AHI1: variants seen among roughly 807,000 people sequenced by gnomAD.
The protein encoded by AHI1 is Abelson helper integration site 1, also known as jouberin.
In AHI1, 123 loss-of-function variants were observed where a neutral mutation model predicts 149.3. The observed-to-expected ratio is 0.82, with a 90% CI of 0.71 to 0.96. The LOEUF (loss-of-function observed/expected upper bound fraction) is 0.96. Ranked by LOEUF, AHI1 falls within the 40% of genes least tolerant of loss-of-function variation. The pLI is 0.00. For synonymous variants in AHI1, 475 were observed against 459.8 expected (o/e 1.03, Z -0.42); for missense variants, 1,439 against 1,422.7 (o/e 1.01, Z -0.18).
At chr6:135,359,345 A>G (rs1188004391) in intron 23 of AHI1, among the ~76,000 whole-genome samples, 3 of 152,208 alleles carry the variant, frequency 2.0e-5, no homozygotes, top group East Asian at 1.9e-4. Flanking sequence ...GTTTCTGACT[A>G]TAAGAGTCTA....
Position 135,466,253 on chromosome 6 carries a change from T to TG in AHI1, c.309dup (p.Thr104HisfsTer6). The TG allele has an allele frequency of 6.2e-7, 1 of 1,614,008 alleles. No homozygotes were observed. On this transcript the variant is annotated frameshift_variant, in exon 7 of 29. Coordinates refer to ENST00000265602, the MANE Select transcript of AHI1 (RefSeq NM_001134831.2). LOFTEE classifies it high-confidence loss of function. The stretch of plus-strand genomic sequence containing the variant: ...TTAGGATTTTCAGTTGCTAACTGTG[T>TG]GTTCCTCAATTTGTTTTTAGTGACT...
At chr6:135,465,716 G>GT (rs532336700) in intron 7 of AHI1, 98 bp downstream of exon 7, 4 of 1,009,868 alleles carry the variant, frequency 4.0e-6, no homozygotes, top group African/African-American at 1.7e-5. Flanking sequence ...AAATAAAAGC[G>GT]TAAGAATTTT....
At chr6:135,468,718 C>T (rs1474823184) in intron 5 of AHI1, among the ~76,000 whole-genome samples, 17 of 152,106 alleles carry the variant, frequency 1.1e-4, no homozygotes, top group Admixed American at 1.1e-3. Context: ...ATACTATAAA[C>T]AACTCTATGC....
At chr6:135,455,573 C>T (rs576985435) in intron 10 of AHI1, among the ~76,000 whole-genome samples, 161 bp downstream of exon 10, 8 of 152,194 alleles carry the variant, frequency 5.3e-5, no homozygotes, top group East Asian at 3.9e-4. Context: ...TATAAAAGGG[C>T]GTCTCACTTG....
chr6:135,314,286 G>T (rs1022812188), intron 26 of AHI1, among the ~76,000 whole-genome samples: 1 of 152,174 alleles, frequency 6.6e-6, no homozygotes, highest in Admixed American at 6.5e-5. Flanking sequence ...AAAAAAGCTT[G>T]CTTCCTCTCT....
chr6:135,384,752 T>G (rs1777328745), intron 23 of AHI1, among the ~76,000 whole-genome samples: 1 of 152,166 alleles, frequency 6.6e-6, no homozygotes, highest in South Asian at 2.1e-4. Context: ...TTTTATAAAC[T>G]TGCACTGGCC....
intron 19 of AHI1, among the ~76,000 whole-genome samples, chr6:135,427,690 A>C (rs1562743354): frequency 2.0e-5 from 3 of 151,526 alleles, no homozygotes; most frequent in Non-Finnish European, 3.0e-5. Flanking sequence ...AAAACTAAAG[A>C]AACTCTAGTT....
rs545183159 is a variant in AHI1 at position 135,335,245 on chromosome 6, ACAATCTTATGCT to A, written c.3166-11933_3166-11922del. On this transcript the variant is annotated intron_variant, in intron 24 of 28. Coordinates refer to ENST00000265602, the MANE Select transcript of AHI1 (RefSeq NM_001134831.2). ...ACATCTACTTTGTCATTTTTTTTCAACAATCTTATGCTCAAACTGCAACTAGGAGTATAGTAT... is the reference window on the plus strand; with the variant it reads ...ACATCTACTTTGTCATTTTTTTTCAACAAACTGCAACTAGGAGTATAGTAT... 3.6e-4 allele frequency among the ~76,000 whole-genome samples: 55 copies of A among 152,164 alleles called. No homozygotes were observed. The South Asian group carries it at 8.5e-3, about 24-fold the overall frequency.
At chr6:135,484,349 C>T (rs1002419491) in intron 5 of AHI1, among the ~76,000 whole-genome samples, 3 of 152,164 alleles carry the variant, frequency 2.0e-5, no homozygotes, top group Non-Finnish European at 4.4e-5. Flanking sequence ...GCCTTGCTCG[C>T]TACCTTACTA....
At chr6:135,318,739 A>C (rs1786364856) in intron 25 of AHI1, 123 bp from the exon 26 acceptor site, 7 of 574,824 alleles carry the variant, frequency 1.2e-5, no homozygotes, top group Admixed American at 6.8e-5. Flanking sequence ...TTGGTGTACC[A>C]ATAAGATACC....
At chr6:135,376,003 T>C (rs896099712) in intron 23 of AHI1, among the ~76,000 whole-genome samples, 2 of 151,732 alleles carry the variant, frequency 1.3e-5, no homozygotes, top group Non-Finnish European at 2.9e-5. Context: ...TTGGGGACAA[T>C]TTGAGCCACA....
At position 135,455,777 on chromosome 6, in the gene AHI1, A is replaced by C. The variant is rs771603649; in HGVS notation, c.1301T>G (p.Leu434Arg). The part of the protein sequence containing the change: ...IVFNENFPYL[L>R]RGSDESPKVI... ...TTTAGGACTCTCATCAGAGCCTCGA[A>C]GCAAATAGGGAAAATTTTCATTAAA... The change falls in exon 10 of 29, where the codon CTT becomes CGT. Residue 434 changes from leucine to arginine, a missense_variant. Transcript: ENST00000265602. The C allele has an allele frequency of 8.7e-6, 14 of 1,604,222 alleles. No individual in the cohort carries two copies. Among genetic ancestry groups the C allele is most frequent in the Non-Finnish European group, 1.2e-5 (14 of 1,174,624 alleles).
Position 135,388,093 on chromosome 6 carries a change from AG to A in AHI1, c.3109+6682del, listed in dbSNP as rs1055879335. On this transcript the variant is annotated intron_variant, in intron 23 of 28. Coordinates refer to ENST00000265602, the MANE Select transcript of AHI1 (RefSeq NM_001134831.2). The stretch of plus-strand genomic sequence containing the variant: ...AATAAAAACATTTTTGATTCTTTTT[AG>A]TACCATAAAAGACATTTAAGGGCAT... The A allele has an allele frequency of 5.7e-6, 9 of 1,574,448 alleles. No individual in the cohort carries two copies. In the South Asian group the frequency reaches 6.8e-5, roughly 12 times the overall value.
chr6:135,332,736 T>C (rs1202222530), intron 24 of AHI1, among the ~76,000 whole-genome samples: 1 of 152,224 alleles, frequency 6.6e-6, no homozygotes, highest in Non-Finnish European at 1.5e-5. Context: ...TAACCTGAAG[T>C]TAACCAGTTA....
intron 10 of AHI1, 101 bp downstream of exon 10, chr6:135,455,633 C>T (rs1167494400): frequency 2.5e-6 from 2 of 805,604 alleles, no homozygotes; most frequent in African/African-American, 1.8e-5. Context: ...TCTCACACAA[C>T]TTTTTTTTTT....
chr6:135,455,745 G>C lies in AHI1; in HGVS notation c.1333C>G (p.Leu445Val). ...RGSDESPKVI[L>V]FFEILDFLSV... ...CATTCAATTCATACCTCAAAGAACA[G>C]GATGACTTTAGGACTCTCATCAGAG... Residue 445 changes from leucine to valine, a missense_variant, in exon 10 of 29, where the codon CTG (leucine) becomes GTG (valine). Transcript: ENST00000265602. The C allele has an allele frequency of 6.3e-7, 1 of 1,591,542 alleles. No homozygotes were observed. The highest frequency in any genetic ancestry group is 1.3e-5 in the African/African-American group (1 of 74,572).
intron 20 of AHI1, among the ~76,000 whole-genome samples, chr6:135,423,345 A>G (rs1192938871): frequency 6.6e-6 from 1 of 152,156 alleles, no homozygotes; most frequent in Non-Finnish European, 1.5e-5. Flanking sequence ...CATTTATTGC[A>G]TATTAGTAAC....
At chr6:135,419,505 CAT>C (rs774821141) in intron 20 of AHI1, among the ~76,000 whole-genome samples, 5 of 151,742 alleles carry the variant, frequency 3.3e-5, no homozygotes, top group Non-Finnish European at 7.4e-5. Flanking sequence ...TAAAGAAAGT[CAT>C]ATGTTTTTAA....
intron 7 of AHI1, among the ~76,000 whole-genome samples, chr6:135,464,679 T>A (rs1790465267): frequency 6.6e-6 from 1 of 152,160 alleles, no homozygotes; most frequent in South Asian, 2.1e-4. Context: ...ATGGAGACAG[T>A]CCATGTGGCA....
Sources: allele counts gnomAD v4.1 joint callset (sites outside exome capture counted in the v4.1 genomes callset), GRCh38; gene constraint gnomAD v4.1.1; transcripts MANE v1.5; gene names NCBI Gene and HGNC (gene_info 2026-07-23, HGNC 2026-07-21).